The following ROBO1 variants were observed in gnomAD, a reference collection of about 807,000 sequenced individuals.
The protein encoded by ROBO1 is roundabout homolog 1.
ROBO1 carries 149 observed loss-of-function variants against 195.9 expected under a neutral mutation model. The ratio of observed to expected loss-of-function variants is 0.76; its 90% CI spans 0.67 to 0.87. The LOEUF (loss-of-function observed/expected upper bound fraction) is 0.87. Among genes scored for constraint, ROBO1 ranks in the 40% least tolerant of loss-of-function variants. The pLI is 0.00. For missense variants in ROBO1, 1,933 were observed against 2,068.3 expected, an observed-to-expected ratio of 0.93 and a Z score of 1.27; for synonymous variants, 816 against 733.2, an observed-to-expected ratio of 1.11 and a Z score of -1.82.
At chr3:79,703,144 A>T (rs1422579837) in intron 1 of ROBO1, among the ~76,000 whole-genome samples, 1 of 151,990 alleles carries the variant, frequency 6.6e-6, no homozygotes, top group East Asian at 1.9e-4. Flanking sequence ...GTGCCCTATT[A>T]GCATATGAAA....
intron 3 of ROBO1, among the ~76,000 whole-genome samples, chr3:79,071,540 T>C (rs549299849): frequency 3.3e-5 from 5 of 152,008 alleles, no homozygotes; most frequent in African/African-American, 9.6e-5. Context: ...GTGTTATTTG[T>C]ACTCTTTTTT....
At chr3:79,141,631 C>T (rs2080529542) in intron 2 of ROBO1, among the ~76,000 whole-genome samples, 1 of 150,790 alleles carries the variant, frequency 6.6e-6, no homozygotes, top group Admixed American at 6.6e-5. Flanking sequence ...CCCCACTTCT[C>T]CATAGAGGGA....
rs373183867 is a variant in ROBO1, at chr3:79,366,684, G to A, written c.88+223140C>T. Among the ~76,000 whole-genome samples, 64 of 152,270 alleles carry A rather than the reference G, an allele frequency of 4.2e-4. No homozygotes were observed. The South Asian group carries it at 0.011, about 26-fold the overall frequency. ...GGCCACCAATAAATATTTGTTCAAT[G>A]ATTTAATTAACACATGAACGAGAGT... On this transcript the variant is annotated intron_variant, in intron 2 of 30. Transcript: ENST00000464233.
At chr3:78,803,118 C>T (rs868069604) in intron 4 of ROBO1, among the ~76,000 whole-genome samples, 2 of 152,140 alleles carry the variant, frequency 1.3e-5, no homozygotes, top group South Asian at 4.1e-4. Context: ...GTGCATCAGA[C>T]TTACTTGGGT....
chr3:79,574,570 T>C (rs528782678), intron 2 of ROBO1, among the ~76,000 whole-genome samples: 1 of 152,102 alleles, frequency 6.6e-6, no homozygotes, highest in South Asian at 2.1e-4. Context: ...TACCAAGTAT[T>C]ATTGTAGTCA....
intron 1 of ROBO1, among the ~76,000 whole-genome samples, chr3:79,679,117 C>T (rs780482088): frequency 6.6e-6 from 1 of 151,934 alleles, no homozygotes; most frequent in Non-Finnish European, 1.5e-5. Flanking sequence ...CTCTAATTAA[C>T]AATTAGTAAC....
chr3:79,513,485 A>T (rs1940809666), intron 2 of ROBO1, among the ~76,000 whole-genome samples: 3 of 152,220 alleles, frequency 2.0e-5, no homozygotes, highest in Non-Finnish European at 4.4e-5. Context: ...AGAAAAAGTA[A>T]TTAAATTATT....
At chr3:79,331,193 T>C (rs2034425514) in intron 2 of ROBO1, among the ~76,000 whole-genome samples, 2 of 152,188 alleles carry the variant, frequency 1.3e-5, no homozygotes, top group Admixed American at 6.5e-5. Flanking sequence ...ATAAATAAGT[T>C]ATGACCTCTA....
intron 3 of ROBO1, among the ~76,000 whole-genome samples, chr3:78,993,888 C>T (rs1294082104): frequency 6.6e-6 from 1 of 151,842 alleles, no homozygotes; most frequent in Non-Finnish European, 1.5e-5. Context: ...AATCCTGTCA[C>T]ATTTTGACAG....
chr3:78,881,391 A>G (rs1273845371), intron 4 of ROBO1, among the ~76,000 whole-genome samples: 1 of 152,188 alleles, frequency 6.6e-6, no homozygotes, highest in African/African-American at 2.4e-5. Flanking sequence ...GTTTACAGTG[A>G]AAATGGTTAG....
chr3:79,324,744 G>A (rs776620111), intron 2 of ROBO1, among the ~76,000 whole-genome samples: 2 of 152,174 alleles, frequency 1.3e-5, no homozygotes, highest in Non-Finnish European at 2.9e-5. Context: ...TTATGTTCAT[G>A]CAACACATTG....
chr3:79,581,725 T>A (rs904513660), intron 2 of ROBO1, among the ~76,000 whole-genome samples: 26 of 152,126 alleles, frequency 1.7e-4, no homozygotes, highest in African/African-American at 6.3e-4. Flanking sequence ...CACAAATTTA[T>A]ACATATAAAC....
At chr3:78,894,299 T>G (rs1247074174) in intron 4 of ROBO1, among the ~76,000 whole-genome samples, 1 of 152,152 alleles carries the variant, frequency 6.6e-6, no homozygotes, top group Non-Finnish European at 1.5e-5. Context: ...GTTATATATA[T>G]TTCTACTAAA....
intron 4 of ROBO1, among the ~76,000 whole-genome samples, chr3:78,878,597 A>C (rs917146267): frequency 2.0e-5 from 3 of 151,304 alleles, no homozygotes; most frequent in South Asian, 2.1e-4. Flanking sequence ...AAAAAAAAAA[A>C]AAAAAAAAAA....
chr3:79,743,896 G>A (rs1174028358), intron 1 of ROBO1, among the ~76,000 whole-genome samples: 4 of 152,014 alleles, frequency 2.6e-5, no homozygotes, highest in Admixed American at 6.6e-5. Context: ...TCGTCTCTAC[G>A]GTAACACTGC....
At chr3:79,012,605 T>C (rs2077810014) in intron 3 of ROBO1, among the ~76,000 whole-genome samples, 1 of 152,238 alleles carries the variant, frequency 6.6e-6, no homozygotes, top group Non-Finnish European at 1.5e-5. Context: ...AGTCATGCTG[T>C]TCAAAATATT....
At chr3:79,312,804 GA>G (rs902250700) in intron 2 of ROBO1, among the ~76,000 whole-genome samples, 8 of 151,416 alleles carry the variant, frequency 5.3e-5, no homozygotes, top group African/African-American at 1.7e-4. Flanking sequence ...TAACTTGGAT[GA>G]AAAAAAATAA....
intron 4 of ROBO1, among the ~76,000 whole-genome samples, chr3:78,844,596 G>T (rs912502922): frequency 6.6e-6 from 1 of 152,030 alleles, no homozygotes; most frequent in Admixed American, 6.6e-5. Context: ...AGGGTTCAGG[G>T]ATACCGTGTG....
intron 2 of ROBO1, among the ~76,000 whole-genome samples, chr3:79,321,330 A>T (rs865828374): frequency 2.6e-5 from 4 of 152,184 alleles, no homozygotes; most frequent in African/African-American, 9.7e-5. Context: ...AGTGATTAGT[A>T]ACAATAATAG....
Sources: allele counts gnomAD v4.1 joint callset (sites outside exome capture counted in the v4.1 genomes callset), GRCh38; gene constraint gnomAD v4.1.1; transcripts MANE v1.5; gene names NCBI Gene and HGNC (gene_info 2026-07-23, HGNC 2026-07-21).